The following TGFBR1 variants were observed in gnomAD, a reference collection of about 807,000 sequenced individuals.
TGFBR1 encodes the protein TGF-beta receptor type-1.
Under a neutral mutation model 55.1 loss-of-function variants are expected in TGFBR1, and 20 were observed. That is an observed-to-expected ratio of 0.36 (90% CI 0.26 to 0.53). The LOEUF is 0.53. Among genes scored for constraint, TGFBR1 ranks in the 20% least tolerant of loss-of-function variants. The pLI is 0.91. For synonymous variants in TGFBR1, 220 were observed against 214.8 expected (o/e 1.02, Z -0.21); for missense variants, 385 against 617.6 (o/e 0.62, Z 3.99).
chr9:99,137,319 T>G (rs972509610), intron 3 of TGFBR1, among the ~76,000 whole-genome samples: 2 of 152,256 alleles, frequency 1.3e-5, no homozygotes, highest in African/African-American at 4.8e-5. Flanking sequence ...GAGATTCATC[T>G]TTCTAAAATA....
intron 1 of TGFBR1, among the ~76,000 whole-genome samples, chr9:99,121,647 T>C (rs1300179508): frequency 1.3e-5 from 2 of 152,192 alleles, no homozygotes; most frequent in Non-Finnish European, 2.9e-5. Context: ...TGTGATCTGC[T>C]TTCAGCTGTA....
At chr9:99,127,920 T>G (rs1389720562) in intron 1 of TGFBR1, 1 of 455,918 alleles carries the variant, frequency 2.2e-6, no homozygotes, top group African/African-American at 2.0e-5. Flanking sequence ...GATGGCAGAT[T>G]GACAGAAATG....
chr9:99,124,506 C>T (rs995326515), intron 1 of TGFBR1, among the ~76,000 whole-genome samples: 2 of 151,732 alleles, frequency 1.3e-5, no homozygotes, highest in Non-Finnish European at 2.9e-5. Context: ...AAATTTAAAA[C>T]CTAGTTGAAT....
intron 1 of TGFBR1, among the ~76,000 whole-genome samples, chr9:99,123,087 A>G (rs939188226): frequency 1.3e-5 from 2 of 152,122 alleles, no homozygotes; most frequent in South Asian, 2.1e-4. Flanking sequence ...TGTATATGCA[A>G]ATATTCCAAA....
At chr9:99,148,703 CTT>C (rs922644381) in intron 8 of TGFBR1, among the ~76,000 whole-genome samples, 4 of 151,954 alleles carry the variant, frequency 2.6e-5, no homozygotes, top group Non-Finnish European at 4.4e-5. Context: ...TAGATTTTGT[CTT>C]TTAGAAATTT....
intron 6 of TGFBR1, among the ~76,000 whole-genome samples, chr9:99,145,471 A>G (rs1027577194): frequency 3.3e-5 from 5 of 152,140 alleles, no homozygotes; most frequent in Admixed American, 3.3e-4. Context: ...GTAACTGTTT[A>G]TTTATTTGCC....
In TGFBR1 at chr9:99,153,174, T is replaced by C. The variant is rs1171970820; in HGVS notation, c.*3869T>C. Reference sequence around the variant, plus strand: ...AATTGCTTTAAACTTAAATTACCTCTCAAGAGACCAAGGTACATTTACCTC... The same window carrying C: ...AATTGCTTTAAACTTAAATTACCTCCCAAGAGACCAAGGTACATTTACCTC... On this transcript the variant is annotated 3_prime_UTR_variant, in exon 9 of 9. Transcript: ENST00000374994. The C allele has an allele frequency of 4.4e-6, 1 of 225,414 alleles. No homozygotes were observed. The highest frequency in any genetic ancestry group is 2.2e-5 in the African/African-American group (1 of 44,934). The allele number at this position is 225,414 out of a possible 1,614,324, so 14.0% of individuals were successfully genotyped here.
intron 1 of TGFBR1, among the ~76,000 whole-genome samples, chr9:99,113,943 G>A (rs1199627292): frequency 1.3e-5 from 2 of 152,164 alleles, no homozygotes; most frequent in Admixed American, 6.5e-5. Context: ...CTTACATTAG[G>A]TAGGAGGTCG....
At chr9:99,104,769 A>G (rs1826348167), upstream of TGFBR1, among the ~76,000 whole-genome samples, 1 of 152,074 alleles carries the variant, frequency 6.6e-6, no homozygotes, top group African/African-American at 2.4e-5. Context: ...CTTTTTCCGA[A>G]AGAGACTCAC....
chr9:99,130,061 G>A (rs1244105776), intron 2 of TGFBR1, among the ~76,000 whole-genome samples: 1 of 152,166 alleles, frequency 6.6e-6, no homozygotes, highest in Non-Finnish European at 1.5e-5. Flanking sequence ...ATATAAAAAT[G>A]AGGGCAACCT....
chr9:99,141,959 T>G (rs1827627411), intron 4 of TGFBR1, among the ~76,000 whole-genome samples: 1 of 152,204 alleles, frequency 6.6e-6, no homozygotes, highest in Non-Finnish European at 1.5e-5. Context: ...ACTATTTCTG[T>G]TTTTCTAAGC....
chr9:99,111,295 CTTTTTTTTTTTTTTTTTTT>C (rs3034196), intron 1 of TGFBR1, among the ~76,000 whole-genome samples: 53 of 55,156 alleles, frequency 9.6e-4, no homozygotes, highest in Admixed American at 2.0e-3. Context: ...TGCACCCATG[CTTTTTTTTTTTTTTTTTTT>C]TTTTTTTTTT....
chr9:99,114,876 G>A (rs1429913594), intron 1 of TGFBR1, among the ~76,000 whole-genome samples: 2 of 152,040 alleles, frequency 1.3e-5, no homozygotes, highest in East Asian at 1.9e-4. Flanking sequence ...TCTTTGCTTG[G>A]GTTTCTTGTT....
rs1827925104 is a variant in TGFBR1 at position 99,149,688 on chromosome 9, GAA to G, written c.*385_*386del. 1 of 309,970 alleles carries G rather than the reference GAA, an allele frequency of 3.2e-6. No individual in the cohort carries two copies. Among genetic ancestry groups the G allele is most frequent in the African/African-American group, 2.1e-5 (1 of 46,834 alleles). 19.2% of individuals were successfully genotyped at this position (309,970 alleles called of 1,614,324 possible). ...CAATGAAACATGTCTTATTACTAAA[GAA>G]AGTGATTTACTCCTGGTTAGTACAT... On this transcript the variant is annotated 3_prime_UTR_variant, in exon 9 of 9. Transcript: ENST00000374994.
chr9:99,132,369 A>ATT lies in TGFBR1; in HGVS notation c.344-140_344-139insTT, dbSNP rs1827257668. 11 of 1,430,526 alleles carry ATT rather than the reference A, an allele frequency of 7.7e-6. No homozygotes were observed. The Admixed American group carries it at 1.8e-4, about 23-fold the overall frequency. The allele number at this position is 1,430,526 out of a possible 1,614,324, so 88.6% of individuals were successfully genotyped here. ...CACTTGTTCTGGGTTTGAGCCCTGT[A>ATT]AACTGCTGTAATGAGGCTCTTTGGC... On this transcript the variant is annotated intron_variant, in intron 2 of 8. Coordinates refer to ENST00000374994, the MANE Select transcript of TGFBR1 (RefSeq NM_004612.4).
chr9:99,126,145 A>G (rs557922853), intron 1 of TGFBR1, among the ~76,000 whole-genome samples: 3 of 152,350 alleles, frequency 2.0e-5, no homozygotes, highest in Admixed American at 1.3e-4. Flanking sequence ...TAAACTAGAC[A>G]GAGAGATGGT....
rs1183301573 is a variant in TGFBR1 at position 99,153,842 on chromosome 9, TG to T, written c.*4542del. ...CTGTCTGCAGGTGTGTCTCTGTGCC[TG>T]GGGGCTTTTCTCCACATGCTTAGGG... On this transcript the variant is annotated 3_prime_UTR_variant, in exon 9 of 9. Transcript: ENST00000374994. 3 of 211,176 alleles carry T rather than the reference TG, an allele frequency of 1.4e-5. No individual in the cohort carries two copies. The highest frequency in any genetic ancestry group is 2.9e-5 in the Non-Finnish European group (3 of 104,000). 13.1% of individuals were successfully genotyped at this position (211,176 alleles called of 1,614,324 possible). A position where few individuals can be genotyped will look rare whatever the true frequency, so the allele number is the denominator to read the frequency against.
chr9:99,106,304 G>A (rs1364970332), intron 1 of TGFBR1, among the ~76,000 whole-genome samples: 2 of 152,196 alleles, frequency 1.3e-5, no homozygotes, highest in Non-Finnish European at 2.9e-5. Context: ...TATCCACAAA[G>A]GGATGAGTGA....
chr9:99,132,063 A>G (rs1230027571), intron 2 of TGFBR1, among the ~76,000 whole-genome samples: 1 of 149,294 alleles, frequency 6.7e-6, no homozygotes, highest in Non-Finnish European at 1.5e-5. Flanking sequence ...GCTTGTTTTG[A>G]TATTTTGTTG....
Sources: gnomAD v4.1 joint callset for allele counts (sites outside exome capture counted in the v4.1 genomes callset) on GRCh38, gnomAD v4.1.1 for gene constraint, MANE v1.5 for transcripts, NCBI Gene and HGNC (gene_info 2026-07-23, HGNC 2026-07-21) for gene names.